Variants in STRADA observed in about 807,000 individuals in gnomAD.
STRADA encodes the protein STE20-related kinase adapter protein alpha.
Under a neutral mutation model 55.0 loss-of-function variants are expected in STRADA, and 26 were observed. The ratio of observed to expected loss-of-function variants is 0.47; its 90% CI spans 0.35 to 0.66. The LOEUF (loss-of-function observed/expected upper bound fraction) is 0.66. Ranked by LOEUF, STRADA falls within the 30% of genes least tolerant of loss-of-function variation. The pLI, the probability that STRADA is intolerant of heterozygous loss-of-function variation, is 0.01. For synonymous variants in STRADA, 197 were observed against 210.9 expected, an observed-to-expected ratio of 0.93 and a Z score of 0.57; for missense variants, 443 against 549.7, an observed-to-expected ratio of 0.81 and a Z score of 1.94.
At chr17:63,739,092 G>A (rs2038668973) in intron 1 of STRADA, among the ~76,000 whole-genome samples, 1 of 126,520 alleles carries the variant, frequency 7.9e-6, no homozygotes, top group South Asian at 2.5e-4. Flanking sequence ...GGCGAAGCAA[G>A]ACCGTGCCAC....
rs1312410290 is a variant in STRADA, at chr17:63,740,117, CATAT to C, written c.-45+1620_-45+1623del. Among the ~76,000 whole-genome samples the C allele has an allele frequency of 2.8e-4, 15 of 53,652 alleles. 5 individuals carry two copies. Among genetic ancestry groups the C allele is most frequent in the African/African-American group, 1.2e-3 (10 of 8,014 alleles). 35.2% of individuals were successfully genotyped at this position (53,652 alleles called of 152,430 possible). A position where few individuals can be genotyped will look rare whatever the true frequency, so the allele number is the denominator to read the frequency against. ...ATATATATATATATATACATACATA[CATAT>C]ATATATACACATACATATATATATA... On this transcript the variant is annotated intron_variant, in intron 1 of 12. Transcript: ENST00000336174.
In STRADA at chr17:63,721,197, C is replaced by G. The variant is rs1279748788; in HGVS notation, c.123+2101G>C. Among the ~76,000 whole-genome samples the G allele has an allele frequency of 2.6e-5, 4 of 151,622 alleles. No homozygotes were observed. In the East Asian group the frequency reaches 7.8e-4, roughly 29 times the overall value. On this transcript the variant is annotated intron_variant, in intron 4 of 12. Coordinates refer to ENST00000336174, the MANE Select transcript of STRADA (RefSeq NM_001003787.4). ...GACCATCCTGGACAACATGGTGAAACTCCGTCTCTATTAAAAGTATAAAAA... is the reference window on the plus strand; with the variant it reads ...GACCATCCTGGACAACATGGTGAAAGTCCGTCTCTATTAAAAGTATAAAAA...
At chr17:63,732,252 G>A (rs555675461) in intron 1 of STRADA, among the ~76,000 whole-genome samples, 63 of 152,208 alleles carry the variant, frequency 4.1e-4, no homozygotes, top group African/African-American at 1.4e-3. Flanking sequence ...CAGTCCACCC[G>A]CCTCGGCCTC....
intron 1 of STRADA, among the ~76,000 whole-genome samples, chr17:63,735,702 CA>C (rs2038371397): frequency 6.6e-6 from 1 of 152,122 alleles, no homozygotes; most frequent in African/African-American, 2.4e-5. Context: ...GAAAAGTGGA[CA>C]TAAGGGTGCT....
intron 4 of STRADA, 162 bp from the exon 5 acceptor site, chr17:63,714,270 T>G: frequency 1.6e-6 from 1 of 630,444 alleles, no homozygotes; most frequent in Non-Finnish European, 2.9e-6. Flanking sequence ...AACACTACAT[T>G]CAGGGTAGTA....
At chr17:63,704,619 G>GT (rs763087173) in intron 10 of STRADA, 37 bp from the exon 11 acceptor site, 13 of 1,264,352 alleles carry the variant, frequency 1.0e-5, no homozygotes, top group East Asian at 8.4e-5. Flanking sequence ...GCTGTAGCGG[G>GT]TGGGGGGGGG....
chr17:63,726,048 T>C (rs2037638067), intron 3 of STRADA: 1 of 152,238 alleles, frequency 6.6e-6, no homozygotes, highest in Admixed American at 6.5e-5. Flanking sequence ...TCTACTATTA[T>C]TTTTATTGAA....
At chr17:63,711,851 C>T (rs1192061772) in intron 6 of STRADA, among the ~76,000 whole-genome samples, 3 of 152,132 alleles carry the variant, frequency 2.0e-5, no homozygotes, top group Non-Finnish European at 2.9e-5. Context: ...GGTAGAATCA[C>T]CTGTGCCTGA....
chr17:63,712,124 T>TACTGAAGGAA (rs2036541164), intron 6 of STRADA, among the ~76,000 whole-genome samples: 1 of 152,022 alleles, frequency 6.6e-6, no homozygotes, highest in Non-Finnish European at 1.5e-5. Context: ...CAACTAACTC[T>TACTGAAGGAA]ACTGAAGGAA....
In STRADA at chr17:63,714,044, A is replaced by G. The variant is rs1286872946; in HGVS notation, c.188T>C (p.Leu63Pro). The G allele has an allele frequency of 6.2e-7, 1 of 1,614,044 alleles. No individual in the cohort carries two copies. Among genetic ancestry groups the G allele is most frequent in the Admixed American group, 1.7e-5 (1 of 60,020 alleles). The change falls in exon 5 of 13, where the codon CTG becomes CCG. Residue 63 changes from leucine (L) to proline (P), a missense_variant. Coordinates refer to ENST00000336174, the MANE Select transcript of STRADA (RefSeq NM_001003787.4). ...FSKQEVMSSF[L>P]PEGGCYELLT... is the part of the protein sequence containing the mutation. The stretch of plus-strand genomic sequence containing the variant: ...CAGCTCGTAACACCCTCCCTCTGGC[A>G]GAAAGCTACTCATGACCTCCTGTTT...
chr17:63,725,491 A>C (rs977442575), intron 3 of STRADA, among the ~76,000 whole-genome samples: 1 of 151,894 alleles, frequency 6.6e-6, no homozygotes, highest in Admixed American at 6.6e-5. Flanking sequence ...AGCTGGGACC[A>C]CAGGTGTGCA....
At chr17:63,726,396 G>T (rs1369111331) in intron 3 of STRADA, 3 of 409,182 alleles carry the variant, frequency 7.3e-6, no homozygotes, top group Non-Finnish European at 1.3e-5. Flanking sequence ...CTGGACAAAA[G>T]AAAACATATA....
At chr17:63,734,901 T>TA (rs1222114093) in intron 1 of STRADA, among the ~76,000 whole-genome samples, 2 of 152,172 alleles carry the variant, frequency 1.3e-5, no homozygotes, top group Non-Finnish European at 2.9e-5. Flanking sequence ...CTCACACCTG[T>TA]AATCCCAACA....
chr17:63,714,739 G>A (rs1056545671), intron 4 of STRADA, among the ~76,000 whole-genome samples: 5 of 152,168 alleles, frequency 3.3e-5, no homozygotes, highest in African/African-American at 7.2e-5. Context: ...CTGCTCCCTC[G>A]TTCCTGCCCA....
chr17:63,738,398 G>C (rs2144343263), intron 1 of STRADA, among the ~76,000 whole-genome samples: 1 of 151,926 alleles, frequency 6.6e-6, no homozygotes, highest in South Asian at 2.1e-4. Flanking sequence ...AAAGTTGGGA[G>C]GCAGTGAGGA....
intron 9 of STRADA, 59 bp from the exon 10 acceptor site, chr17:63,706,798 G>C: frequency 8.0e-6 from 11 of 1,368,680 alleles, no homozygotes; most frequent in Non-Finnish European, 1.0e-5. Flanking sequence ...TTAGAAAAAG[G>C]GTAGAACTAA....
chr17:63,732,355 T>G (rs2038127140), intron 1 of STRADA, among the ~76,000 whole-genome samples: 1 of 152,162 alleles, frequency 6.6e-6, no homozygotes, highest in Non-Finnish European at 1.5e-5. Flanking sequence ...GGTCTTGCTC[T>G]GTCACCTAGG....
At chr17:63,704,887 C>T in intron 10 of STRADA, 5 of 1,536,130 alleles carry the variant, frequency 3.3e-6, no homozygotes, top group Non-Finnish European at 4.4e-6. Context: ...CATCAAATTC[C>T]TTTTACCGTA....
At position 63,719,667 on chromosome 17, in the gene STRADA, A is replaced by G. The variant is rs185281760; in HGVS notation, c.123+3631T>C. The stretch of plus-strand genomic sequence containing the variant: ...CCCGGCTAATTTTTGCATTTTTAGT[A>G]GAGATGGGGTTTCATTGTGTTGGCC... On this transcript the variant is annotated intron_variant, in intron 4 of 12. Transcript: ENST00000336174. Among the ~76,000 whole-genome samples, 90 of 152,114 alleles carry G rather than the reference A, an allele frequency of 5.9e-4. 2 individuals carry two copies. The highest frequency in any genetic ancestry group is 3.4e-3 in the Middle Eastern group (1 of 294).
Sources: gnomAD v4.1 joint callset for allele counts (sites outside exome capture counted in the v4.1 genomes callset) on GRCh38, gnomAD v4.1.1 for gene constraint, MANE v1.5 for transcripts, NCBI Gene and HGNC (gene_info 2026-07-23, HGNC 2026-07-21) for gene names.